GREB1L: variants seen among roughly 807,000 people sequenced by gnomAD.
GREB1L encodes the protein GREB1 like retinoic acid receptor coactivator, also known as GREB1-like protein.
GREB1L carries 17 observed loss-of-function variants against 200.8 expected under a neutral mutation model. That is an observed-to-expected ratio of 0.08 (90% CI 0.06 to 0.13). The LOEUF (loss-of-function observed/expected upper bound fraction) is 0.13, where lower values mean the gene tolerates loss of function less well. Among genes scored for constraint, GREB1L ranks in the 10% least tolerant of loss-of-function variants. The pLI, the probability that GREB1L is intolerant of heterozygous loss-of-function variation, is 1.00. For missense variants in GREB1L, 1,657 were observed against 2,367.7 expected (o/e 0.70, Z 6.23); for synonymous variants, 789 against 893.0 (o/e 0.88, Z 2.08).
chr18:21,303,215 A>G (rs970535254), intron 1 of GREB1L, among the ~76,000 whole-genome samples: 1 of 152,208 alleles, frequency 6.6e-6, no homozygotes, highest in African/African-American at 2.4e-5. Context: ...CTTGAAGTCT[A>G]GGTTTTCACA....
chr18:21,302,717 A>ATGTTTGTT (rs3046678), intron 1 of GREB1L, among the ~76,000 whole-genome samples: 4 of 151,834 alleles, frequency 2.6e-5, no homozygotes, highest in Admixed American at 1.3e-4. Context: ...GCCTTCCATA[A>ATGTTTGTT]TGTTTGTTTG....
intron 7 of GREB1L, among the ~76,000 whole-genome samples, chr18:21,427,506 A>G (rs934800219): frequency 2.3e-4 from 16 of 70,950 alleles, no homozygotes; most frequent in Non-Finnish European, 2.1e-5. Context: ...CCCTGCCTCA[A>G]AAAAACAAAA....
chr18:21,496,239 C>T (rs1441697823), intron 20 of GREB1L, among the ~76,000 whole-genome samples: 3 of 152,166 alleles, frequency 2.0e-5, no homozygotes, highest in African/African-American at 7.2e-5. Flanking sequence ...GAGCCCGACA[C>T]TATCCACTCT....
At chr18:21,403,045 C>A (rs151089922) in intron 6 of GREB1L, among the ~76,000 whole-genome samples, 1 of 152,086 alleles carries the variant, frequency 6.6e-6, no homozygotes, top group Non-Finnish European at 1.5e-5. Flanking sequence ...AAAACTGCTT[C>A]CAGTCCTTGT....
At chr18:21,338,113 T>C (rs1157342256) in intron 1 of GREB1L, among the ~76,000 whole-genome samples, 1 of 152,146 alleles carries the variant, frequency 6.6e-6, no homozygotes, top group Non-Finnish European at 1.5e-5. Flanking sequence ...AAATAAGTGG[T>C]TTTTCAAACT....
chr18:21,414,945 G>C (rs1408713324), intron 7 of GREB1L, among the ~76,000 whole-genome samples: 1 of 152,180 alleles, frequency 6.6e-6, no homozygotes, highest in Admixed American at 6.5e-5. Flanking sequence ...GGGAAACAAA[G>C]TGAGTCTTAT....
intron 1 of GREB1L, among the ~76,000 whole-genome samples, chr18:21,283,488 T>G (rs2038305388): frequency 6.6e-6 from 1 of 152,206 alleles, no homozygotes; most frequent in Non-Finnish European, 1.5e-5. Flanking sequence ...TGTGTTGGGG[T>G]ATCTCATCAT....
intron 1 of GREB1L, among the ~76,000 whole-genome samples, chr18:21,355,910 C>T (rs2039495691): frequency 6.6e-6 from 1 of 150,708 alleles, no homozygotes; most frequent in Non-Finnish European, 1.5e-5. Context: ...GAAAATTCTA[C>T]TGAGATTTAA....
intron 1 of GREB1L, among the ~76,000 whole-genome samples, chr18:21,276,103 TTGGGTCAGGTTTTTA>T (rs781504386): frequency 3.9e-5 from 6 of 152,222 alleles, no homozygotes; most frequent in Non-Finnish European, 7.3e-5. Context: ...TGAACTTGTC[TTGGGTCAGGTTTTTA>T]CATGCGAATG....
intron 15 of GREB1L, among the ~76,000 whole-genome samples, chr18:21,471,610 T>C (rs2035483175): frequency 1.0e-5 from 1 of 96,060 alleles, no homozygotes; most frequent in South Asian, 3.5e-4. Flanking sequence ...TTTTTTCCTC[T>C]CTTTTGTTTC....
intron 17 of GREB1L, among the ~76,000 whole-genome samples, chr18:21,483,491 G>A (rs760536945): frequency 2.0e-5 from 3 of 152,154 alleles, no homozygotes; most frequent in African/African-American, 4.8e-5. Context: ...AATCTATGTT[G>A]TCAGTCTCCA....
intron 1 of GREB1L, among the ~76,000 whole-genome samples, chr18:21,273,413 A>G (rs908013985): frequency 6.6e-6 from 1 of 152,112 alleles, no homozygotes; most frequent in African/African-American, 2.4e-5. Context: ...GAGTGGCCTT[A>G]TATTTCACAT....
chr18:21,467,335 A>T (rs1283595986), intron 15 of GREB1L, among the ~76,000 whole-genome samples: 1 of 152,222 alleles, frequency 6.6e-6, no homozygotes, highest in Non-Finnish European at 1.5e-5. Context: ...ACTATTTGGA[A>T]ATCATTTATC....
At position 21,350,385 on chromosome 18, in the gene GREB1L, A is replaced by G. The variant is rs557916462; in HGVS notation, c.-119-15642A>G. Among the ~76,000 whole-genome samples the G allele has an allele frequency of 5.9e-5, 9 of 151,774 alleles. No homozygotes were observed. In the South Asian group the frequency reaches 1.9e-3, roughly 32 times the overall value. On this transcript the variant is annotated intron_variant, in intron 1 of 32. Coordinates refer to ENST00000424526, the MANE Select transcript of GREB1L (RefSeq NM_001142966.3). The stretch of plus-strand genomic sequence containing the variant: ...CCCGAGTAGCTGAGATTACAGGCAC[A>G]CATCAACACACCCGGCTAATTTTTT...
At chr18:21,509,319 C>T (rs575341839) in intron 27 of GREB1L, among the ~76,000 whole-genome samples, 52 of 152,326 alleles carry the variant, frequency 3.4e-4, no homozygotes, top group African/African-American at 1.2e-3. Flanking sequence ...CTGCTTCTGT[C>T]GGTGCCTCAG....
At chr18:21,355,456 T>G (rs1415711492) in intron 1 of GREB1L, among the ~76,000 whole-genome samples, 1 of 152,142 alleles carries the variant, frequency 6.6e-6, no homozygotes, top group East Asian at 1.9e-4. Flanking sequence ...CCTCCCAAAG[T>G]GCTGGGATTA....
chr18:21,483,978 A>G (rs1167370569), intron 17 of GREB1L, among the ~76,000 whole-genome samples: 4 of 151,100 alleles, frequency 2.6e-5, no homozygotes, highest in Non-Finnish European at 5.9e-5. Context: ...TCCTCAAAAA[A>G]AAAGAAAAAA....
At chr18:21,507,951 TG>T (rs2037082581) in intron 25 of GREB1L, among the ~76,000 whole-genome samples, 166 bp from the exon 26 acceptor site, 1 of 152,128 alleles carries the variant, frequency 6.6e-6, no homozygotes, top group African/African-American at 2.4e-5. Context: ...CTAAATGAAG[TG>T]TTTGCCTTAT....
At chr18:21,474,010 T>C (rs1374306395) in intron 16 of GREB1L, among the ~76,000 whole-genome samples, 6 of 152,056 alleles carry the variant, frequency 3.9e-5, no homozygotes, top group Non-Finnish European at 7.4e-5. Flanking sequence ...AATTCAGTCA[T>C]CTCCCACTGG....
Sources: allele counts gnomAD v4.1 joint callset (sites outside exome capture counted in the v4.1 genomes callset), GRCh38; gene constraint gnomAD v4.1.1; transcripts MANE v1.5; gene names NCBI Gene and HGNC (gene_info 2026-07-23, HGNC 2026-07-21).